Variants in RERE observed in about 807,000 individuals in gnomAD.
RERE encodes the protein arginine-glutamic acid dipeptide repeats, also known as arginine-glutamic acid dipeptide repeats protein.
In RERE, 40 loss-of-function variants were observed where a neutral mutation model predicts 146.1. The observed-to-expected ratio is 0.27, with a 90% CI of 0.21 to 0.36. The LOEUF (loss-of-function observed/expected upper bound fraction) is 0.36, where lower values mean the gene tolerates loss of function less well. Among genes scored for constraint, RERE ranks in the 10% least tolerant of loss-of-function variants. The pLI is 1.00. For synonymous variants in RERE, 1,003 were observed against 866.0 expected (o/e 1.16, Z -2.78); for missense variants, 1,933 against 2,138.7 (o/e 0.90, Z 1.90).
At chr1:8,521,291 T>C (rs1191372903) in intron 7 of RERE, among the ~76,000 whole-genome samples, 4 of 152,068 alleles carry the variant, frequency 2.6e-5, no homozygotes, top group Non-Finnish European at 4.4e-5. Flanking sequence ...GGTTAATAAT[T>C]AGTGTAATTC....
At chr1:8,357,694 G>A (rs1381018512) in intron 20 of RERE, among the ~76,000 whole-genome samples, 1 of 152,222 alleles carries the variant, frequency 6.6e-6, no homozygotes, top group Non-Finnish European at 1.5e-5. Context: ...CTACTTCCAG[G>A]GTGGACAGGA....
rs919299496 is a variant in RERE, at chr1:8,507,709, G to A, written c.879+918C>T. On this transcript the variant is annotated intron_variant, in intron 8 of 22. Coordinates refer to ENST00000400908, the MANE Select transcript of RERE (RefSeq NM_001042681.2). ...TAGGCGAGAGCCACCACGCCCAGCC[G>A]GGAAAAGAGGTTTTAAACATCTTTT... Among the ~76,000 whole-genome samples, 31 of 147,270 alleles carry A rather than the reference G, an allele frequency of 2.1e-4. No homozygotes were observed. In the South Asian group the frequency reaches 2.2e-3, roughly 10 times the overall value.
At chr1:8,427,587 T>C (rs1644032200) in intron 11 of RERE, among the ~76,000 whole-genome samples, 4 of 146,012 alleles carry the variant, frequency 2.7e-5, no homozygotes, top group Non-Finnish European at 1.5e-5. Flanking sequence ...CAGCTGTCAA[T>C]GTATGTCAAT....
At chr1:8,810,952 A>T (rs1245912919) in intron 1 of RERE, among the ~76,000 whole-genome samples, 26 of 152,152 alleles carry the variant, frequency 1.7e-4, no homozygotes. Flanking sequence ...ATAAAAGGAG[A>T]ATAAGACAAA....
chr1:8,474,382 A>G (rs989722370), intron 10 of RERE, among the ~76,000 whole-genome samples: 2 of 152,234 alleles, frequency 1.3e-5, no homozygotes, highest in Non-Finnish European at 2.9e-5. Context: ...TATTTTATAG[A>G]GCAAGGATGA....
intron 1 of RERE, among the ~76,000 whole-genome samples, chr1:8,741,347 T>G (rs1557515130): frequency 6.6e-6 from 1 of 152,220 alleles, no homozygotes; most frequent in Non-Finnish European, 1.5e-5. Flanking sequence ...AGACACTCAG[T>G]ATCAGCTCAG....
intron 4 of RERE, 118 bp downstream of exon 4, chr1:8,614,443 A>C: frequency 9.0e-7 from 1 of 1,113,004 alleles, no homozygotes; most frequent in Admixed American, 2.5e-5. Flanking sequence ...TACTCCTTTA[A>C]AAACACATAT....
chr1:8,424,790 T>G (rs1165731238), intron 11 of RERE: 15 of 152,446 alleles, frequency 9.8e-5, no homozygotes, highest in Admixed American at 9.8e-4. Flanking sequence ...CAACTTACTC[T>G]GCTTGCTGAT....
intron 18 of RERE, 40 bp from the exon 19 acceptor site, chr1:8,360,026 GACCC>G: frequency 6.2e-7 from 1 of 1,604,702 alleles, no homozygotes; most frequent in Non-Finnish European, 8.5e-7. Flanking sequence ...CTCCTGCCGA[GACCC>G]ACCCCGGCCC....
intron 1 of RERE, among the ~76,000 whole-genome samples, chr1:8,748,554 A>T (rs754662761): frequency 2.0e-5 from 3 of 152,228 alleles, no homozygotes; most frequent in Non-Finnish European, 4.4e-5. Context: ...TGGTTAGGAA[A>T]CCTACAGATC....
At chr1:8,434,323 G>A (rs578118478) in intron 11 of RERE, among the ~76,000 whole-genome samples, 16 of 152,230 alleles carry the variant, frequency 1.1e-4, no homozygotes, top group Non-Finnish European at 2.1e-4. Flanking sequence ...CCACACCTGC[G>A]CTATCGGTGG....
intron 13 of RERE, among the ~76,000 whole-genome samples, chr1:8,365,084 C>G (rs1301336871): frequency 6.6e-6 from 1 of 152,230 alleles, no homozygotes; most frequent in Non-Finnish European, 1.5e-5. Flanking sequence ...TACCCAAGGG[C>G]CTGCCCTGCC....
chr1:8,523,521 T>C (rs1425270962), intron 7 of RERE, among the ~76,000 whole-genome samples: 2 of 152,088 alleles, frequency 1.3e-5, no homozygotes, highest in African/African-American at 4.8e-5. Context: ...ACCAAAGACT[T>C]CATCAACCAC....
rs377676818 is a variant in RERE, at chr1:8,412,322, G to A, written c.1284+10405C>T. Among the ~76,000 whole-genome samples the A allele has an allele frequency of 7.9e-5, 12 of 152,224 alleles. No homozygotes were observed. In the South Asian group the frequency reaches 1.9e-3, roughly 24 times the overall value. ...TGGTTCACTCATACAGCAAAGACAC[G>A]GGATAAAAAATTCCACAGACTGTTT... On this transcript the variant is annotated intron_variant, in intron 12 of 22. Coordinates refer to ENST00000400908, the MANE Select transcript of RERE (RefSeq NM_001042681.2).
intron 12 of RERE, among the ~76,000 whole-genome samples, chr1:8,416,447 G>T (rs528791578): frequency 4.6e-5 from 7 of 152,028 alleles, no homozygotes; most frequent in African/African-American, 1.7e-4. Context: ...TTAGCCAGGC[G>T]TGGTGGCGGG....
At chr1:8,762,623 G>A (rs1167959026) in intron 1 of RERE, among the ~76,000 whole-genome samples, 1 of 152,150 alleles carries the variant, frequency 6.6e-6, no homozygotes, top group Non-Finnish European at 1.5e-5. Context: ...ACTGAGGCCA[G>A]GAACATTTCC....
At chr1:8,408,042 A>G (rs917488289) in intron 12 of RERE, among the ~76,000 whole-genome samples, 10 of 152,204 alleles carry the variant, frequency 6.6e-5, no homozygotes, top group African/African-American at 2.4e-4. Flanking sequence ...GCTGGCATTA[A>G]AAGTAAAAGG....
chr1:8,760,239 C>T (rs1346304135), intron 1 of RERE, among the ~76,000 whole-genome samples: 1 of 152,194 alleles, frequency 6.6e-6, no homozygotes, highest in Non-Finnish European at 1.5e-5. Flanking sequence ...GTTGGCCAGA[C>T]TGGTCTTGAA....
chr1:8,467,403 A>G (rs1644614207), intron 10 of RERE, among the ~76,000 whole-genome samples: 1 of 152,238 alleles, frequency 6.6e-6, no homozygotes, highest in Non-Finnish European at 1.5e-5. Flanking sequence ...TTAGGCAAAG[A>G]CCTATGGAAT....
Sources: gnomAD v4.1 joint callset for allele counts (sites outside exome capture counted in the v4.1 genomes callset) on GRCh38, gnomAD v4.1.1 for gene constraint, MANE v1.5 for transcripts, NCBI Gene and HGNC (gene_info 2026-07-23, HGNC 2026-07-21) for gene names.